The following NEDD4 variants were observed in gnomAD, a reference collection of about 807,000 sequenced individuals.
NEDD4 encodes the protein E3 ubiquitin-protein ligase NEDD4.
NEDD4 carries 99 observed loss-of-function variants against 144.9 expected under a neutral mutation model. The observed-to-expected ratio is 0.68, with a 90% CI of 0.58 to 0.81. The LOEUF (loss-of-function observed/expected upper bound fraction) is 0.81, where lower values mean the gene tolerates loss of function less well. Among genes scored for constraint, NEDD4 ranks in the 30% least tolerant of loss-of-function variants. The probability of loss-of-function intolerance (pLI) is 0.00; values close to 1 mark genes in which losing one functional copy is unlikely to be tolerated. For synonymous variants in NEDD4, 318 were observed against 350.6 expected (o/e 0.91, Z 1.04); for missense variants, 985 against 1,065.9 (o/e 0.92, Z 1.06).
At chr15:55,885,893 G>T (rs1486464695) in intron 5 of NEDD4, among the ~76,000 whole-genome samples, 1 of 151,120 alleles carries the variant, frequency 6.6e-6, no homozygotes, top group East Asian at 2.0e-4. Context: ...CCAATCAAAA[G>T]ACATACAGTG....
chr15:55,892,191 G>A (rs1196252714), intron 5 of NEDD4, among the ~76,000 whole-genome samples: 1 of 151,620 alleles, frequency 6.6e-6, no homozygotes, highest in Non-Finnish European at 1.5e-5. Flanking sequence ...ACTTGAACCT[G>A]GAGGGGCAGA....
chr15:55,941,011 A>C (rs1170163095), intron 4 of NEDD4, among the ~76,000 whole-genome samples: 1 of 152,152 alleles, frequency 6.6e-6, no homozygotes, highest in Admixed American at 6.5e-5. Flanking sequence ...ATCCATTTAA[A>C]CTGAGTTGTT....
At chr15:55,870,589 A>C (rs2034756088) in intron 7 of NEDD4, among the ~76,000 whole-genome samples, 1 of 144,776 alleles carries the variant, frequency 6.9e-6, no homozygotes, top group Admixed American at 7.1e-5. Context: ...GATGAAGCAC[A>C]GTGGCTCAAT....
intron 5 of NEDD4, among the ~76,000 whole-genome samples, chr15:55,881,143 CTTTT>C (rs67958165): frequency 1.5e-5 from 2 of 137,888 alleles, no homozygotes. Flanking sequence ...CTTTTCTTTT[CTTTT>C]TTTTTTTTTT....
At chr15:55,917,226 AGT>A in intron 5 of NEDD4, 1 of 907,814 alleles carries the variant, frequency 1.1e-6, no homozygotes, top group Admixed American at 5.3e-5. Context: ...TAACATTTCA[AGT>A]TGAAACAGTA....
intron 12 of NEDD4, among the ~76,000 whole-genome samples, chr15:55,854,049 G>A (rs1042885070): frequency 2.0e-5 from 3 of 152,054 alleles, no homozygotes; most frequent in Non-Finnish European, 4.4e-5. Context: ...TACTCGGGAG[G>A]CTGAAGCAGG....
At chr15:55,975,660 T>C (rs2037686849) in intron 1 of NEDD4, among the ~76,000 whole-genome samples, 1 of 151,470 alleles carries the variant, frequency 6.6e-6, no homozygotes, top group African/African-American at 2.4e-5. Context: ...AAATATTCCA[T>C]GTTCATGGAT....
At chr15:55,923,087 G>C (rs138742175) in intron 5 of NEDD4, among the ~76,000 whole-genome samples, 4 of 152,062 alleles carry the variant, frequency 2.6e-5, no homozygotes, top group African/African-American at 7.2e-5. Flanking sequence ...GGAAGGCTGA[G>C]GCAGGAGAAT....
At chr15:55,874,677 T>C (rs1337657518) in intron 5 of NEDD4, among the ~76,000 whole-genome samples, 3 of 152,098 alleles carry the variant, frequency 2.0e-5, no homozygotes, top group African/African-American at 4.8e-5. Flanking sequence ...GTTAACTTGC[T>C]AGAACAAAAA....
At chr15:55,968,636 G>C (rs1292814738) in intron 1 of NEDD4, among the ~76,000 whole-genome samples, 1 of 152,140 alleles carries the variant, frequency 6.6e-6, no homozygotes, top group African/African-American at 2.4e-5. Context: ...TACATGAAAA[G>C]ATAATCTCAC....
intron 4 of NEDD4, among the ~76,000 whole-genome samples, chr15:55,940,197 C>G (rs2036970377): frequency 1.3e-5 from 2 of 151,982 alleles, no homozygotes; most frequent in Non-Finnish European, 2.9e-5. Context: ...TGGTTTAATA[C>G]TATATTATAC....
intron 1 of NEDD4, among the ~76,000 whole-genome samples, chr15:55,992,853 T>C (rs939099833): frequency 6.6e-6 from 1 of 152,240 alleles, no homozygotes; most frequent in Non-Finnish European, 1.5e-5. Flanking sequence ...AAAGTATTTA[T>C]ACTTTTTTGG....
intron 8 of NEDD4, among the ~76,000 whole-genome samples, chr15:55,866,297 C>A (rs1912409): frequency 2.6e-5 from 4 of 151,268 alleles, no homozygotes; most frequent in Non-Finnish European, 5.9e-5. Context: ...AAATTTCATT[C>A]TCTTCTTTCC....
chr15:55,841,026 C>CA (rs60522920), intron 19 of NEDD4, among the ~76,000 whole-genome samples: 71,607 of 151,966 alleles, frequency 0.47, 17,254 homozygotes, highest in Non-Finnish European at 0.53. Context: ...CTCCGCCTCC[C>CA]AGGTTCAAGT....
intron 4 of NEDD4, among the ~76,000 whole-genome samples, chr15:55,948,421 A>C (rs966830831): frequency 1.9e-4 from 29 of 152,222 alleles, no homozygotes; most frequent in African/African-American, 7.0e-4. Context: ...TCAAGCTACC[A>C]ATGACTTTCT....
At chr15:55,914,122 T>C (rs1415478634) in intron 5 of NEDD4, among the ~76,000 whole-genome samples, 1 of 151,862 alleles carries the variant, frequency 6.6e-6, no homozygotes, top group Non-Finnish European at 1.5e-5. Flanking sequence ...GTAACAATTA[T>C]TATATTTACC....
At chr15:55,982,847 G>T (rs2037825978) in intron 1 of NEDD4, among the ~76,000 whole-genome samples, 1 of 152,018 alleles carries the variant, frequency 6.6e-6, no homozygotes, top group Non-Finnish European at 1.5e-5. Flanking sequence ...TAGGGCTGGG[G>T]GTGGTGGCTC....
chr15:55,962,239 C>T (rs576336169), intron 2 of NEDD4, among the ~76,000 whole-genome samples: 4 of 152,152 alleles, frequency 2.6e-5, no homozygotes, highest in Admixed American at 6.6e-5. Flanking sequence ...TTTTTGCGTC[C>T]GCTTTCTTTC....
chr15:55,830,178 C>T (rs1216129930), intron 28 of NEDD4, among the ~76,000 whole-genome samples, 179 bp from the exon 29 acceptor site: 23 of 152,208 alleles, frequency 1.5e-4, no homozygotes, highest in African/African-American at 4.8e-4. Flanking sequence ...CTCTGCACAA[C>T]TCCTTGTGGA....
Sources: allele counts gnomAD v4.1 joint callset (sites outside exome capture counted in the v4.1 genomes callset), GRCh38; gene constraint gnomAD v4.1.1; transcripts MANE v1.5; gene names NCBI Gene and HGNC (gene_info 2026-07-23, HGNC 2026-07-21).